Variants in CTNND1 observed in about 807,000 individuals in gnomAD.
CTNND1 encodes the protein catenin delta 1.
A neutral mutation model predicts 112.1 loss-of-function variants in CTNND1; 16 were observed. That is an observed-to-expected ratio of 0.14 (90% CI 0.10 to 0.22). The LOEUF (loss-of-function observed/expected upper bound fraction) is 0.22, where lower values mean the gene tolerates loss of function less well. Ranked by LOEUF, CTNND1 falls within the 10% of genes least tolerant of loss-of-function variation. CTNND1 has a pLI of 1.00. For synonymous variants in CTNND1, 420 were observed against 446.5 expected, an observed-to-expected ratio of 0.94 and a Z score of 0.75; for missense variants, 1,008 against 1,257.0, an observed-to-expected ratio of 0.80 and a Z score of 3.00.
At position 57,816,028 on chromosome 11, in the gene CTNND1, T is replaced by A. The variant is rs202196713; in HGVS notation, c.2895+27T>A. On this transcript the variant is annotated intron_variant, in intron 20 of 20. Transcript: ENST00000399050. The stretch of plus-strand genomic sequence containing the variant: ...TATGTCCTTCAGTCACCCCCAAGAT[T>A]GTTCTTGAGGAAGGAGGCTCCTGAG... 8 of 1,535,102 alleles carry A rather than the reference T, an allele frequency of 5.2e-6. No individual in the cohort carries two copies. In the African/African-American group the frequency reaches 8.3e-5, roughly 16 times the overall value.
intron 1 of CTNND1, among the ~76,000 whole-genome samples, chr11:57,767,118 C>G (rs142494642): frequency 2.6e-5 from 4 of 152,016 alleles, no homozygotes; most frequent in African/African-American, 9.7e-5. Context: ...ACTACAGGTG[C>G]GCGCCACCAC....
intron 5 of CTNND1, 54 bp from the exon 6 acceptor site, chr11:57,796,403 T>C (rs1435379882): frequency 1.4e-6 from 2 of 1,470,960 alleles, no homozygotes; most frequent in African/African-American, 1.4e-5. Context: ...AAAAAAAGAA[T>C]TTAATTGCTC....
At chr11:57,779,841 AC>A (rs2059383999) in intron 1 of CTNND1, among the ~76,000 whole-genome samples, 1 of 151,934 alleles carries the variant, frequency 6.6e-6, no homozygotes, top group African/African-American at 2.4e-5. Context: ...TGTTCTTAGC[AC>A]CTTTCCTCCT....
intron 1 of CTNND1, among the ~76,000 whole-genome samples, chr11:57,779,709 A>T (rs1168507651): frequency 6.6e-6 from 1 of 151,992 alleles, no homozygotes; most frequent in Non-Finnish European, 1.5e-5. Flanking sequence ...GAGAGTAGGG[A>T]TTGGATTTTT....
At chr11:57,806,854 G>T in intron 11 of CTNND1, 61 bp from the exon 12 acceptor site, 3 of 1,384,144 alleles carry the variant, frequency 2.2e-6, no homozygotes, top group South Asian at 2.5e-5. Context: ...AATGTGCCAG[G>T]TGGAATCTTT....
Position 57,796,596 on chromosome 11 carries a change from A to G in CTNND1, c.560A>G (p.Asn187Ser), listed in dbSNP as rs769631445. Reference sequence around the variant, plus strand: ...GGTCGTGATTTCCGCAAGAATGGCAATGGGGGACCTGGTCCCTATGTGGGG... The same window carrying G: ...GGTCGTGATTTCCGCAAGAATGGCAGTGGGGGACCTGGTCCCTATGTGGGG... ...TLGRDFRKNG[N>S]GGPGPYVGQA... The change falls in exon 6 of 21, where the codon AAT becomes AGT. Residue 187 changes from asparagine to serine, a missense_variant. Asn to Ser is a conservative substitution (Grantham distance 46, BLOSUM62 1). Coordinates refer to ENST00000399050, the MANE Select transcript of CTNND1 (RefSeq NM_001085458.2). The G allele has an allele frequency of 1.9e-5, 30 of 1,613,888 alleles. No homozygotes were observed. In the East Asian group the frequency reaches 2.5e-4, roughly 13 times the overall value.
intron 3 of CTNND1, among the ~76,000 whole-genome samples, chr11:57,792,555 A>C (rs1377588762): frequency 1.3e-5 from 2 of 152,166 alleles, no homozygotes; most frequent in East Asian, 3.8e-4. Flanking sequence ...TTCATTGAGT[A>C]ATTTTTATTT....
intron 7 of CTNND1, among the ~76,000 whole-genome samples, chr11:57,803,046 G>A (rs1295075308): frequency 6.6e-6 from 1 of 152,228 alleles, no homozygotes; most frequent in Non-Finnish European, 1.5e-5. Context: ...GAAAATGTCA[G>A]TGGTGCTGAG....
At position 57,791,601 on chromosome 11, in the gene CTNND1, G is replaced by A; in HGVS notation, c.123G>A (p.Leu41=). The change falls in exon 3 of 21, where the codon CTG becomes CTA. Residue 41 remains leucine (L), a synonymous_variant. Transcript: ENST00000399050. ...EEERRHVSAQ[L]ERVRVSPQDA... is the part of the protein sequence containing the mutation. ...AACGGCGCCACGTCTCGGCGCAGCT[G>A]GAACGCGTCCGGGTCTCACCACAAG... The A allele has an allele frequency of 6.2e-7, 1 of 1,610,938 alleles. No individual in the cohort carries two copies. The highest frequency in any genetic ancestry group is 8.5e-7 in the Non-Finnish European group (1 of 1,178,606).
At chr11:57,774,394 T>TA (rs1415237292) in intron 1 of CTNND1, among the ~76,000 whole-genome samples, 1 of 152,192 alleles carries the variant, frequency 6.6e-6, no homozygotes, top group Non-Finnish European at 1.5e-5. Context: ...TCCTACAATG[T>TA]AGCAACTCGG....
intron 1 of CTNND1, among the ~76,000 whole-genome samples, chr11:57,785,182 A>G (rs1301831011): frequency 6.6e-6 from 1 of 152,176 alleles, no homozygotes; most frequent in East Asian, 1.9e-4. Context: ...GCTGGTTTAC[A>G]AACTTCAAAA....
intron 1 of CTNND1, among the ~76,000 whole-genome samples, chr11:57,785,811 T>C (rs1032555866): frequency 2.6e-5 from 4 of 151,978 alleles, no homozygotes; most frequent in Non-Finnish European, 4.4e-5. Context: ...CCTCCCAAAG[T>C]GCTGGGATTA....
chr11:57,818,696 A>G lies in CTNND1; in HGVS notation c.*2388A>G, dbSNP rs1413365670. 1 of 152,236 alleles carries G rather than the reference A, an allele frequency of 6.6e-6. No individual in the cohort carries two copies. Among genetic ancestry groups the G allele is most frequent in the Non-Finnish European group, 1.5e-5 (1 of 68,040 alleles). 9.4% of individuals were successfully genotyped at this position (152,236 alleles called of 1,614,324 possible). ...AAGTTGAACATGGGAGCTTATTGCT[A>G]ATTTAGAGATAGGAAACTGAAGCAT... On this transcript the variant is annotated 3_prime_UTR_variant, in exon 21 of 21. Coordinates refer to ENST00000399050, the MANE Select transcript of CTNND1 (RefSeq NM_001085458.2).
At position 57,782,670 on chromosome 11, in the gene CTNND1, A is replaced by T. The variant is rs545464638; in HGVS notation, c.-213-6367A>T. On this transcript the variant is annotated intron_variant, in intron 1 of 20. Coordinates refer to ENST00000399050, the MANE Select transcript of CTNND1 (RefSeq NM_001085458.2). ...CCATTTAGGTTATAGTTCATTATGT[A>T]CAGATAAATCTTTAGGCCAAACTTA... Among the ~76,000 whole-genome samples the T allele has an allele frequency of 3.3e-5, 5 of 152,368 alleles. No individual in the cohort carries two copies. The South Asian group carries it at 1.0e-3, about 32-fold the overall frequency.
At chr11:57,800,455 A>G (rs2061886513) in intron 6 of CTNND1, among the ~76,000 whole-genome samples, 1 of 151,800 alleles carries the variant, frequency 6.6e-6, no homozygotes, top group African/African-American at 2.4e-5. Flanking sequence ...TTTAGTAGAG[A>G]TGGTGTTTTT....
At chr11:57,771,872 A>G (rs1952717867) in intron 1 of CTNND1, among the ~76,000 whole-genome samples, 1 of 152,124 alleles carries the variant, frequency 6.6e-6, no homozygotes, top group Non-Finnish European at 1.5e-5. Context: ...GAGAATGATA[A>G]TAAGGCAGCT....
intron 16 of CTNND1, among the ~76,000 whole-genome samples, chr11:57,811,153 T>C (rs2063309198): frequency 6.6e-6 from 1 of 152,172 alleles, no homozygotes; most frequent in African/African-American, 2.4e-5. Context: ...TTTACTATTC[T>C]CTGAAACTGT....
intron 1 of CTNND1, among the ~76,000 whole-genome samples, chr11:57,773,452 G>GTTT: frequency 7.5e-6 from 1 of 133,526 alleles, no homozygotes; most frequent in Admixed American, 7.7e-5. Flanking sequence ...CTGAGATTAT[G>GTTT]TTTTTTTTTT....
intron 16 of CTNND1, among the ~76,000 whole-genome samples, chr11:57,810,605 A>G (rs1159687211): frequency 6.6e-6 from 1 of 152,032 alleles, no homozygotes; most frequent in African/African-American, 2.4e-5. Flanking sequence ...GATTACAGGC[A>G]TGAGCCATCA....
Sources: allele counts gnomAD v4.1 joint callset (sites outside exome capture counted in the v4.1 genomes callset), GRCh38; gene constraint gnomAD v4.1.1; transcripts MANE v1.5; gene names NCBI Gene and HGNC (gene_info 2026-07-23, HGNC 2026-07-21).